APOM: variants seen among roughly 807,000 people sequenced by gnomAD.
APOM encodes NG20-like protein.
In APOM, 24 loss-of-function variants were observed where a neutral mutation model predicts 23.5. The ratio of observed to expected loss-of-function variants is 1.02; its 90% confidence interval spans 0.74 to 1.44. APOM has a LOEUF of 1.44. APOM is among the 40% of genes most tolerant of loss of function. The pLI is 0.00. For missense variants in APOM, 200 were observed against 233.2 expected, an observed-to-expected ratio of 0.86 and a Z score of 0.93; for synonymous variants, 82 against 84.1, an observed-to-expected ratio of 0.97 and a Z score of 0.14.
chr6:31,656,628 T>G lies in APOM; in HGVS notation c.269+2T>G. ...CCACCTTCGTGCTACCATCCGCATG[T>G]GAGTGGTAAGGAGGCAGAAGCATCA... On this transcript the variant is annotated splice_donor_variant, in intron 2 of 5. Transcript: ENST00000375916. LOFTEE classifies it high-confidence loss of function. The G allele has an allele frequency of 6.2e-7, 1 of 1,613,256 alleles. No individual in the cohort carries two copies.
Position 31,656,074 on chromosome 6 carries a change from G to A in APOM, c.108G>A (p.Gly36=). The change falls in exon 1 of 6, where the codon GGG becomes GGA. Residue 36 remains glycine, a synonymous_variant. Coordinates refer to ENST00000375916, the MANE Select transcript of APOM (RefSeq NM_019101.3). The stretch of plus-strand genomic sequence containing the variant: ...AACTGACAACTCTGGGCGTGGATGG[G>A]AAGGAGGTATGGACTGAGATTGGGG... ...HSQLTTLGVD[G]KEFPEVHLGQ... 1 of 1,564,050 alleles carries A rather than the reference G, an allele frequency of 6.4e-7. No homozygotes were observed. The highest frequency in any genetic ancestry group is 8.7e-7 in the Non-Finnish European group (1 of 1,153,626).
At chr6:31,653,367 C>G (rs889951298), upstream of APOM, among the ~76,000 whole-genome samples, 4 of 152,212 alleles carry the variant, frequency 2.6e-5, no homozygotes, top group Non-Finnish European at 4.4e-5. Context: ...AGGGCCTCGG[C>G]CCCGCGAAAC....
chr6:31,656,612 T>C lies in APOM; in HGVS notation c.255T>C (p.Arg85=). 3 of 1,614,022 alleles carry C rather than the reference T, an allele frequency of 1.9e-6. No homozygotes were observed. Among genetic ancestry groups the C allele is most frequent in the Non-Finnish European group, 2.5e-6 (3 of 1,179,970 alleles). Residue 85 remains arginine (R), a synonymous_variant, in exon 2 of 6, where the codon CGT becomes CGC. Transcript: ENST00000375916. ...AGSAPMQLHL[R]ATIRMKDGLC... The stretch of plus-strand genomic sequence containing the variant: ...CTGCCCCGATGCAGCTCCACCTTCG[T>C]GCTACCATCCGCATGTGAGTGGTAA...
chr6:31,656,526 A>G lies in APOM; in HGVS notation c.169A>G (p.Lys57Glu). The change falls in exon 2 of 6, where the codon AAG becomes GAG. Residue 57 changes from lysine to glutamate, a missense_variant. Transcript: ENST00000375916. ...CTTTATCGCAGGGGCAGCTCCCACC[A>G]AGGAGGAGTTGGCAACTTTTGACCC... ...WYFIAGAAPT[K>E]EELATFDPVD... The G allele has an allele frequency of 6.2e-7, 1 of 1,614,034 alleles. No individual in the cohort carries two copies. The highest frequency in any genetic ancestry group is 8.5e-7 in the Non-Finnish European group (1 of 1,180,008).
chr6:31,656,437 C>T, intron 1 of APOM, 35 bp from the exon 2 acceptor site: 1 of 1,606,988 alleles, frequency 6.2e-7, no homozygotes, highest in Non-Finnish European at 8.5e-7. Flanking sequence ...TGTGCTGGAA[C>T]CCACCCTCTT....
chr6:31,655,944 C>T lies in APOM; in HGVS notation c.-23C>T, dbSNP rs751064723. 84 of 1,512,220 alleles carry T rather than the reference C, an allele frequency of 5.6e-5. No individual in the cohort carries two copies. The highest frequency in any genetic ancestry group is 7.4e-5 in the Non-Finnish European group (82 of 1,103,318). The allele number at this position is 1,512,220 out of a possible 1,614,324, so 93.7% of individuals were successfully genotyped here. A position where few individuals can be genotyped will look rare whatever the true frequency, so the allele number is the denominator to read the frequency against. ...GAGAGAGCAGTTAAGGCACACAGAGCACCAGCTCCCTCCTGCCTGAAGATG... is the reference window on the plus strand; with the variant it reads ...GAGAGAGCAGTTAAGGCACACAGAGTACCAGCTCCCTCCTGCCTGAAGATG... On this transcript the variant is annotated 5_prime_UTR_variant, in exon 1 of 6. Coordinates refer to ENST00000375916, the MANE Select transcript of APOM (RefSeq NM_019101.3).
At position 31,655,897 on chromosome 6, in the gene APOM, G is replaced by C. The variant is rs1219981557; in HGVS notation, c.-70G>C. On this transcript the variant is annotated 5_prime_UTR_variant, in exon 1 of 6. Transcript: ENST00000375916. ...CGAACGCAAGGGAGCTGAAAGCAGA[G>C]TGGACTGAGCAGCCAGTAGGGGAGA... The C allele has an allele frequency of 9.5e-7, 1 of 1,049,386 alleles. No homozygotes were observed. The highest frequency in any genetic ancestry group is 1.4e-5 in the South Asian group (1 of 72,328). The allele number at this position is 1,049,386 out of a possible 1,614,324, so 65.0% of individuals were successfully genotyped here.
intron 1 of APOM, 36 bp downstream of exon 1, chr6:31,656,116 G>T: frequency 6.6e-7 from 1 of 1,505,558 alleles, no homozygotes; most frequent in Non-Finnish European, 9.0e-7. Flanking sequence ...TATGGTGGAG[G>T]CTCTGAGGGA....
At position 31,657,729 on chromosome 6, in the gene APOM, G is replaced by C. The variant is rs746092358; in HGVS notation, c.541+6G>C. ...ATTGACTCCTAGGAATCAAGGTAAG[G>C]GGTTAAAATCTCATAAAACAGGATT... On this transcript the variant is annotated splice_donor_region_variant and intron_variant, in intron 5 of 5. Coordinates refer to ENST00000375916, the MANE Select transcript of APOM (RefSeq NM_019101.3). 6.2e-7 allele frequency: 1 copy of C among 1,608,478 alleles called. No individual in the cohort carries two copies. The highest frequency in any genetic ancestry group is 8.5e-7 in the Non-Finnish European group (1 of 1,175,468).
At position 31,656,613 on chromosome 6, in the gene APOM, G is replaced by A; in HGVS notation, c.256G>A (p.Ala86Thr). ...GSAPMQLHLR[A>T]TIRMKDGLCV... ...TGCCCCGATGCAGCTCCACCTTCGTGCTACCATCCGCATGTGAGTGGTAAG... is the reference window on the plus strand; with the variant it reads ...TGCCCCGATGCAGCTCCACCTTCGTACTACCATCCGCATGTGAGTGGTAAG... The change falls in exon 2 of 6, where the codon GCT (alanine) becomes ACT (threonine). Residue 86 changes from alanine (A) to threonine (T), a missense_variant. Physicochemically the swap from Ala to Thr is moderately conservative, Grantham distance 58. Coordinates refer to ENST00000375916, the MANE Select transcript of APOM (RefSeq NM_019101.3). The A allele has an allele frequency of 6.2e-7, 1 of 1,613,906 alleles. No individual in the cohort carries two copies. The highest frequency in any genetic ancestry group is 8.5e-7 in the Non-Finnish European group (1 of 1,179,938).
chr6:31,656,157 C>T, intron 1 of APOM, 77 bp downstream of exon 1: 1 of 1,184,822 alleles, frequency 8.4e-7, no homozygotes, highest in Non-Finnish European at 1.2e-6. Flanking sequence ...TGACTGGAGA[C>T]CATCTTGGGA....
upstream of APOM, chr6:31,652,728 G>C (rs963088220): frequency 6.5e-6 from 1 of 152,766 alleles, no homozygotes; most frequent in Admixed American, 6.6e-5. Flanking sequence ...CGGCGTTCAC[G>C]TCTGTGCGCG....
chr6:31,656,440 AC>A, intron 1 of APOM, 31 bp from the exon 2 acceptor site: 1 of 1,608,432 alleles, frequency 6.2e-7, no homozygotes, highest in Non-Finnish European at 8.5e-7. Context: ...GCTGGAACCC[AC>A]CCTCTTTTGC....
intron 3 of APOM, 27 bp downstream of exon 3, chr6:31,657,325 C>T (rs1446461946): frequency 1.2e-6 from 2 of 1,613,000 alleles, no homozygotes; most frequent in East Asian, 4.5e-5. Context: ...CCTCACCCTC[C>T]CTTGAGTTTG....
chr6:31,656,052 T>A lies in APOM; in HGVS notation c.86T>A (p.Leu29Gln). The stretch of plus-strand genomic sequence containing the variant: ...TACCAGTGCCCTGAGCACAGTCAAC[T>A]GACAACTCTGGGCGTGGATGGGAAG... ...SIYQCPEHSQ[L>Q]TTLGVDGKEF... Residue 29 changes from leucine (L) to glutamine (Q), a missense_variant, in exon 1 of 6, where the codon CTG becomes CAG. Leu to Gln is a moderately radical substitution (Grantham distance 113). Coordinates refer to ENST00000375916, the MANE Select transcript of APOM (RefSeq NM_019101.3). 6.3e-7 allele frequency: 1 copy of A among 1,580,300 alleles called. No individual in the cohort carries two copies. Among genetic ancestry groups the A allele is most frequent in the Non-Finnish European group, 8.6e-7 (1 of 1,162,506 alleles).
rs28432254 is a variant in APOM at position 31,658,107 on chromosome 6, G to A, written c.*18G>A. ...ATAACTGACCTGTAACTTCATCTAA[G>A]TCCCCAGATGGGTACAATGGGAGCT... On this transcript the variant is annotated 3_prime_UTR_variant, in exon 6 of 6. Transcript: ENST00000375916. The A allele has an allele frequency of 4.3e-6, 7 of 1,613,742 alleles. No individual in the cohort carries two copies. Among genetic ancestry groups the A allele is most frequent in the Non-Finnish European group, 5.9e-6 (7 of 1,179,726 alleles).
At chr6:31,656,724 C>T (rs982633880) in intron 2 of APOM, 98 bp downstream of exon 2, 2 of 1,435,858 alleles carry the variant, frequency 1.4e-6, no homozygotes, top group African/African-American at 2.8e-5. Context: ...GGTATATCTA[C>T]TATGCTTGGC....
chr6:31,658,186 A>G lies in APOM; in HGVS notation c.*97A>G. ...TCCAGCTCCAGCTCCCACTCAAGAT[A>G]ATAAAGATAATTTTTCAATCCTCAT... is the stretch of plus-strand genomic sequence containing the variant. On this transcript the variant is annotated 3_prime_UTR_variant, in exon 6 of 6. Transcript: ENST00000375916. 1 of 1,386,748 alleles carries G rather than the reference A, an allele frequency of 7.2e-7. No individual in the cohort carries two copies. Among genetic ancestry groups the G allele is most frequent in the Non-Finnish European group, 1.0e-6 (1 of 975,946 alleles). The allele number at this position is 1,386,748 out of a possible 1,614,324, so 85.9% of individuals were successfully genotyped here. A position where few individuals can be genotyped will look rare whatever the true frequency, so the allele number is the denominator to read the frequency against.
intron 5 of APOM, 156 bp from the exon 6 acceptor site, chr6:31,657,908 G>A: frequency 1.0e-6 from 1 of 960,082 alleles, no homozygotes. Flanking sequence ...CTGGATAAAG[G>A]GGGCAGAGGG....
Sources: allele counts gnomAD v4.1 joint callset (sites outside exome capture counted in the v4.1 genomes callset), GRCh38; gene constraint gnomAD v4.1.1; transcripts MANE v1.5; gene names NCBI Gene and HGNC (gene_info 2026-07-23, HGNC 2026-07-21).